NCOA2: variants seen among roughly 807,000 people sequenced by gnomAD.
NCOA2 encodes the protein nuclear receptor coactivator 2, also known as class E basic helix-loop-helix protein 75.
Under a neutral mutation model 145.1 loss-of-function variants are expected in NCOA2, and 21 were observed. The ratio of observed to expected loss-of-function variants is 0.14; its 90% CI spans 0.10 to 0.21. The LOEUF (loss-of-function observed/expected upper bound fraction) is 0.21. Among genes scored for constraint, NCOA2 ranks in the 10% least tolerant of loss-of-function variants. The pLI is 1.00. For missense variants in NCOA2, 1,472 were observed against 1,837.6 expected (o/e 0.80, Z 3.64); for synonymous variants, 619 against 637.5 (o/e 0.97, Z 0.44).
intron 1 of NCOA2, among the ~76,000 whole-genome samples, chr8:70,340,733 C>T (rs539818518): frequency 7.9e-5 from 12 of 152,150 alleles, no homozygotes; most frequent in Admixed American, 2.0e-4. Flanking sequence ...ATATAAACCA[C>T]GGAATACTAT....
In NCOA2 at chr8:70,197,924, G is replaced by T. The variant is rs2133434581; in HGVS notation, c.259+15979C>A. 1.3e-5 allele frequency among the ~76,000 whole-genome samples: 2 copies of T among 151,280 alleles called. 1 individual carries two copies. Among genetic ancestry groups the T allele is most frequent in the South Asian group, 4.2e-4 (2 of 4,804 alleles). On this transcript the variant is annotated intron_variant, in intron 4 of 22. Transcript: ENST00000452400. ...AGTGATCCTCCCAGCTCAGCCTCTT[G>T]AGTAGCTAGAACTACAGGCACACAC...
intron 1 of NCOA2, among the ~76,000 whole-genome samples, chr8:70,369,010 G>T (rs1226035211): frequency 6.6e-6 from 1 of 151,426 alleles, no homozygotes; most frequent in Non-Finnish European, 1.5e-5. Flanking sequence ...TCAAAAAAAA[G>T]GAAAAAAAAG....
intron 14 of NCOA2, among the ~76,000 whole-genome samples, chr8:70,139,141 T>G (rs889834930): frequency 6.6e-6 from 1 of 152,252 alleles, no homozygotes; most frequent in Non-Finnish European, 1.5e-5. Flanking sequence ...TTCGAAAGGC[T>G]TTAAAGCCAA....
intron 1 of NCOA2, among the ~76,000 whole-genome samples, chr8:70,367,408 T>C (rs1429491021): frequency 6.6e-6 from 1 of 152,192 alleles, no homozygotes; most frequent in Admixed American, 6.5e-5. Flanking sequence ...ATTTTTTTCC[T>C]TTTTTCCTCA....
Position 70,201,049 on chromosome 8 carries a change from CAAAAA to C in NCOA2, c.259+12849_259+12853del, listed in dbSNP as rs60951750. Among the ~76,000 whole-genome samples the C allele has an allele frequency of 9.4e-5, 6 of 63,930 alleles. No homozygotes were observed. The South Asian group carries it at 2.1e-3, about 23-fold the overall frequency. The allele number at this position is 63,930 out of a possible 152,430, so 41.9% of individuals were successfully genotyped here. On this transcript the variant is annotated intron_variant, in intron 4 of 22. Coordinates refer to ENST00000452400, the MANE Select transcript of NCOA2 (RefSeq NM_006540.4). ...TGGGTAACAGGGTGAGACTGTGTCT[CAAAAA>C]AAAAAAAAAAAAAAAAAAGTAAAGT...
chr8:70,265,971 C>G (rs1824546980), intron 2 of NCOA2, among the ~76,000 whole-genome samples: 1 of 151,798 alleles, frequency 6.6e-6, no homozygotes. Flanking sequence ...AACCCCGTCT[C>G]TAATACAAAA....
At chr8:70,259,843 AG>A (rs1156407774) in intron 2 of NCOA2, among the ~76,000 whole-genome samples, 12 of 152,376 alleles carry the variant, frequency 7.9e-5, no homozygotes, top group African/African-American at 2.2e-4. Context: ...CGCACATAAA[AG>A]TCTTATAACT....
intron 11 of NCOA2, among the ~76,000 whole-genome samples, chr8:70,153,360 A>C (rs922753316): frequency 4.6e-5 from 7 of 152,218 alleles, no homozygotes; most frequent in South Asian, 2.1e-4. Flanking sequence ...TATCAGAAAA[A>C]CATTTCTCCT....
intron 2 of NCOA2, among the ~76,000 whole-genome samples, chr8:70,270,084 C>T (rs546959452): frequency 2.0e-5 from 3 of 151,742 alleles, no homozygotes; most frequent in South Asian, 2.1e-4. Context: ...GGGGAGGCTG[C>T]GGTGGGAGAA....
chr8:70,400,122 T>A (rs1814094177), intron 1 of NCOA2, among the ~76,000 whole-genome samples: 1 of 152,194 alleles, frequency 6.6e-6, no homozygotes, highest in Non-Finnish European at 1.5e-5. Flanking sequence ...CTTCTAACAC[T>A]AAGCCACTCA....
intron 2 of NCOA2, among the ~76,000 whole-genome samples, chr8:70,224,894 C>T (rs574505681): frequency 3.4e-4 from 52 of 152,040 alleles, no homozygotes; most frequent in African/African-American, 1.1e-3. Context: ...TGGCTAGGCG[C>T]AGAGTGCCCC....
At chr8:70,137,354 T>G (rs531094574) in intron 15 of NCOA2, among the ~76,000 whole-genome samples, 63 of 152,330 alleles carry the variant, frequency 4.1e-4, no homozygotes, top group African/African-American at 1.4e-3. Context: ...CATTTTTGTT[T>G]TAAGAGAACT....
intron 1 of NCOA2, among the ~76,000 whole-genome samples, chr8:70,368,840 C>T (rs901314478): frequency 3.9e-4 from 60 of 152,146 alleles, no homozygotes; most frequent in Non-Finnish European, 1.3e-4. Flanking sequence ...TGTAACCCCT[C>T]CCAAAACTGC....
intron 4 of NCOA2, among the ~76,000 whole-genome samples, chr8:70,208,644 A>C (rs909929599): frequency 6.6e-6 from 1 of 152,208 alleles, no homozygotes; most frequent in Non-Finnish European, 1.5e-5. Context: ...TTCACTTCCC[A>C]TTCTGAAAAT....
intron 2 of NCOA2, among the ~76,000 whole-genome samples, chr8:70,238,352 T>C (rs982204458): frequency 6.6e-6 from 1 of 152,188 alleles, no homozygotes; most frequent in Non-Finnish European, 1.5e-5. Context: ...GTATTATGCA[T>C]GACATTATTT....
chr8:70,169,944 A>C (rs947483804), intron 6 of NCOA2, among the ~76,000 whole-genome samples: 2 of 151,600 alleles, frequency 1.3e-5, no homozygotes, highest in Non-Finnish European at 2.9e-5. Flanking sequence ...CTTTTGGCTA[A>C]GAAGCAATGA....
At chr8:70,214,883 A>C (rs970168715) in intron 3 of NCOA2, among the ~76,000 whole-genome samples, 9 of 152,266 alleles carry the variant, frequency 5.9e-5, no homozygotes, top group Non-Finnish European at 1.2e-4. Flanking sequence ...CAATACAATA[A>C]GGAAGAAAAG....
At chr8:70,427,138 T>C in the NCOA2 span, among the ~76,000 whole-genome samples, 8 of 152,258 alleles carry the variant, frequency 5.3e-5, no homozygotes, top group East Asian at 9.6e-4. Flanking sequence ...TTATATTCAG[T>C]ATGTATTATA....
chr8:70,270,229 T>G (rs1299892405), intron 2 of NCOA2, among the ~76,000 whole-genome samples: 1 of 151,534 alleles, frequency 6.6e-6, no homozygotes, highest in African/African-American at 2.4e-5. Flanking sequence ...AAGAGAACAT[T>G]AGGGAAGCAG....
Sources: allele counts gnomAD v4.1 joint callset (sites outside exome capture counted in the v4.1 genomes callset), GRCh38; gene constraint gnomAD v4.1.1; transcripts MANE v1.5; gene names NCBI Gene and HGNC (gene_info 2026-07-23, HGNC 2026-07-21).